Variants in TGFBR3 observed in about 807,000 individuals in gnomAD.
TGFBR3 encodes transforming growth factor beta receptor 3, also known as transforming growth factor beta receptor type 3.
TGFBR3 carries 46 observed loss-of-function variants against 87.9 expected under a neutral mutation model. The ratio of observed to expected loss-of-function variants is 0.52; its 90% CI spans 0.41 to 0.67. The LOEUF (loss-of-function observed/expected upper bound fraction) is 0.67, where lower values mean the gene tolerates loss of function less well. TGFBR3 is among the 30% of genes least tolerant of loss of function. TGFBR3 has a pLI of 0.00. For synonymous variants in TGFBR3, 381 were observed against 391.6 expected, an observed-to-expected ratio of 0.97 and a Z score of 0.32; for missense variants, 866 against 1,041.9, an observed-to-expected ratio of 0.83 and a Z score of 2.32.
At chr1:91,857,317 G>C (rs1405932745) in intron 2 of TGFBR3, among the ~76,000 whole-genome samples, 1 of 151,474 alleles carries the variant, frequency 6.6e-6, no homozygotes, top group African/African-American at 2.4e-5. Flanking sequence ...TAGACCTCCT[G>C]CTACATTTCC....
At chr1:91,705,132 A>C (rs946835855) in intron 14 of TGFBR3, among the ~76,000 whole-genome samples, 7 of 152,328 alleles carry the variant, frequency 4.6e-5, no homozygotes, top group Middle Eastern at 3.4e-3. Flanking sequence ...TCTACAATAA[A>C]GAGACATAAA....
At chr1:91,827,958 C>G (rs892962308) in intron 2 of TGFBR3, among the ~76,000 whole-genome samples, 1 of 152,176 alleles carries the variant, frequency 6.6e-6, no homozygotes, top group Non-Finnish European at 1.5e-5. Flanking sequence ...TGTTATTAAC[C>G]ACACTGGGTA....
At chr1:91,869,217 T>G (rs1277824730) in intron 1 of TGFBR3, among the ~76,000 whole-genome samples, 1 of 152,202 alleles carries the variant, frequency 6.6e-6, no homozygotes, top group African/African-American at 2.4e-5. Context: ...CAGGTTGTAA[T>G]TATTATGTAA....
At chr1:91,758,374 C>T (rs768830582) in intron 4 of TGFBR3, among the ~76,000 whole-genome samples, 1 of 152,126 alleles carries the variant, frequency 6.6e-6, no homozygotes, top group Non-Finnish European at 1.5e-5. Context: ...AGGTCCTGCT[C>T]TAATGTGCGC....
At chr1:91,722,710 C>A (rs1304196027) in intron 7 of TGFBR3, among the ~76,000 whole-genome samples, 1 of 152,164 alleles carries the variant, frequency 6.6e-6, no homozygotes, top group African/African-American at 2.4e-5. Context: ...CTTACACAAA[C>A]CTACATGGTA....
At position 91,706,071 on chromosome 1, in the gene TGFBR3, G is replaced by A. The variant is rs533282481; in HGVS notation, c.2287+2592C>T. ...TGTCTGGCATGGGAAAAAGCAAGCC[G>A]CTGCCTTCAATTACTAGCAGAATTA... is the stretch of plus-strand genomic sequence containing the variant. On this transcript the variant is annotated intron_variant, in intron 14 of 16. Coordinates refer to ENST00000212355, the MANE Select transcript of TGFBR3 (RefSeq NM_003243.5). Among the ~76,000 whole-genome samples, 8 of 152,250 alleles carry A rather than the reference G, an allele frequency of 5.3e-5. No individual in the cohort carries two copies. The East Asian group carries it at 1.2e-3, about 22-fold the overall frequency.
intron 2 of TGFBR3, among the ~76,000 whole-genome samples, chr1:91,850,080 CAAAAAAAA>C (rs376631972): frequency 2.3e-4 from 12 of 52,154 alleles, no homozygotes; most frequent in African/African-American, 6.7e-4. Flanking sequence ...GACTCCATCT[CAAAAAAAA>C]AAAAAAAAAA....
Position 91,797,296 on chromosome 1 carries a change from T to C in TGFBR3, c.237A>G (p.Leu79=), listed in dbSNP as rs759628579. The C allele has an allele frequency of 3.7e-6, 6 of 1,614,138 alleles. No individual in the cohort carries two copies. The highest frequency in any genetic ancestry group is 2.2e-5 in the South Asian group (2 of 91,068). Residue 79 remains leucine (L), a synonymous_variant, in exon 3 of 17, where the codon CTA becomes CTG. Transcript: ENST00000212355. Reference sequence around the variant, plus strand: ...TGACACCTGCACCTACCTCTCTCTGTAGCTGGCCAGGCCCCTGGCCTGCAG... The same window carrying C: ...TGACACCTGCACCTACCTCTCTCTGCAGCTGGCCAGGCCCCTGGCCTGCAG... ...LRTAGQGPGQ[L]QREVTLHLNP... is the part of the protein sequence containing the mutation.
chr1:91,790,399 G>A (rs1675143441), intron 3 of TGFBR3, among the ~76,000 whole-genome samples: 5 of 152,304 alleles, frequency 3.3e-5, no homozygotes, highest in Admixed American at 2.6e-4. Flanking sequence ...ACACTATGAT[G>A]TTTGCACAAC....
At chr1:91,856,043 C>G (rs1190804223) in intron 2 of TGFBR3, among the ~76,000 whole-genome samples, 1 of 151,864 alleles carries the variant, frequency 6.6e-6, no homozygotes, top group African/African-American at 2.4e-5. Context: ...AACGAAGGAA[C>G]GAGGGAGGGG....
chr1:91,879,392 C>A (rs1044924268), intron 1 of TGFBR3, among the ~76,000 whole-genome samples: 1 of 152,124 alleles, frequency 6.6e-6, no homozygotes, highest in Non-Finnish European at 1.5e-5. Context: ...ACCACAAAAA[C>A]CAGACATTAG....
intron 2 of TGFBR3, among the ~76,000 whole-genome samples, chr1:91,854,854 T>G (rs373424009): frequency 9.2e-5 from 14 of 152,198 alleles, no homozygotes; most frequent in African/African-American, 3.1e-4. Flanking sequence ...CTAAATCACT[T>G]ACTTTCTCTA....
intron 2 of TGFBR3, among the ~76,000 whole-genome samples, chr1:91,815,891 CAG>C (rs1676207099): frequency 6.6e-6 from 1 of 152,180 alleles, no homozygotes; most frequent in African/African-American, 2.4e-5. Flanking sequence ...CCAACCAAGA[CAG>C]AGGAGTGGAG....
intron 2 of TGFBR3, among the ~76,000 whole-genome samples, chr1:91,820,859 T>A (rs548078970): frequency 6.6e-6 from 1 of 152,290 alleles, no homozygotes; most frequent in Admixed American, 6.5e-5. Context: ...TATTTGTCCA[T>A]ATGCATGCAC....
At chr1:91,905,064 T>C (rs1254926485) in intron 1 of TGFBR3, among the ~76,000 whole-genome samples, 8 of 152,178 alleles carry the variant, frequency 5.3e-5, no homozygotes, top group Middle Eastern at 3.4e-3. Flanking sequence ...GCGAATTAAA[T>C]ATAAATAATG....
chr1:91,802,303 TC>T (rs1489593875), intron 2 of TGFBR3, among the ~76,000 whole-genome samples: 1 of 152,066 alleles, frequency 6.6e-6, no homozygotes, highest in Non-Finnish European at 1.5e-5. Flanking sequence ...GGTTCAACTC[TC>T]ATCTCTTTAC....
chr1:91,873,852 A>G (rs1678682193), intron 1 of TGFBR3, among the ~76,000 whole-genome samples: 1 of 152,000 alleles, frequency 6.6e-6, no homozygotes, highest in Admixed American at 6.6e-5. Context: ...TGGGAGGATG[A>G]GGCAGGAGAA....
At chr1:91,887,268 T>TG (rs1679350955), upstream of TGFBR3, among the ~76,000 whole-genome samples, 2 of 145,806 alleles carry the variant, frequency 1.4e-5, no homozygotes, top group East Asian at 4.0e-4. Context: ...TTTTTTGAGA[T>TG]GGAGTCTCGC....
At chr1:91,780,360 G>A (rs1053073343) in intron 3 of TGFBR3, among the ~76,000 whole-genome samples, 2 of 152,094 alleles carry the variant, frequency 1.3e-5, no homozygotes, top group Admixed American at 6.5e-5. Flanking sequence ...AATCTGGTAA[G>A]ACAATATGTC....
Sources: gnomAD v4.1 joint callset for allele counts (sites outside exome capture counted in the v4.1 genomes callset) on GRCh38, gnomAD v4.1.1 for gene constraint, MANE v1.5 for transcripts, NCBI Gene and HGNC (gene_info 2026-07-23, HGNC 2026-07-21) for gene names.